The following FGF12 variants were observed in gnomAD, a reference collection of about 807,000 sequenced individuals.
The protein encoded by FGF12 is fibroblast growth factor 12B.
FGF12 carries 14 observed loss-of-function variants against 23.6 expected under a neutral mutation model. The ratio of observed to expected loss-of-function variants is 0.59; its 90% confidence interval spans 0.39 to 0.93. FGF12 has a LOEUF of 0.93. Ranked by LOEUF, FGF12 falls within the 40% of genes least tolerant of loss-of-function variation. FGF12 has a pLI of 0.00. For missense variants in FGF12, 175 were observed against 217.8 expected, an observed-to-expected ratio of 0.80 and a Z score of 1.24; for synonymous variants, 62 against 77.3, an observed-to-expected ratio of 0.80 and a Z score of 1.04.
chr3:192,351,289 G>A (rs1301622897), intron 3 of FGF12, among the ~76,000 whole-genome samples: 1 of 152,092 alleles, frequency 6.6e-6, no homozygotes, highest in East Asian at 1.9e-4. Flanking sequence ...GAGAAATGAG[G>A]GGTGGGGGAA....
chr3:192,193,651 T>C (rs901877309), intron 4 of FGF12, among the ~76,000 whole-genome samples: 17 of 152,198 alleles, frequency 1.1e-4, no homozygotes, highest in African/African-American at 3.9e-4. Context: ...TCTCACCCTA[T>C]GTCATCTTCC....
At chr3:192,376,592 C>T (rs956525970) in intron 2 of FGF12, among the ~76,000 whole-genome samples, 1 of 152,040 alleles carries the variant, frequency 6.6e-6, no homozygotes, top group African/African-American at 2.4e-5. Flanking sequence ...AAACTCCCGG[C>T]CTCAGGTGAT....
intron 2 of FGF12, among the ~76,000 whole-genome samples, chr3:192,624,684 G>T (rs1715099948): frequency 6.6e-6 from 1 of 152,090 alleles, no homozygotes; most frequent in African/African-American, 2.4e-5. Flanking sequence ...TAGCTTCGTA[G>T]CAAGGAGAAA....
At chr3:192,218,393 G>A (rs527619262) in intron 4 of FGF12, among the ~76,000 whole-genome samples, 1 of 152,248 alleles carries the variant, frequency 6.6e-6, no homozygotes, top group East Asian at 1.9e-4. Context: ...GGGTTTGTTG[G>A]GAGGTGATGG....
intron 4 of FGF12, among the ~76,000 whole-genome samples, chr3:192,225,501 AT>A (rs1300229346): frequency 6.6e-6 from 1 of 152,150 alleles, no homozygotes; most frequent in East Asian, 1.9e-4. Flanking sequence ...AAATCATCAT[AT>A]GTTGTTGATG....
Position 192,261,492 on chromosome 3 carries a change from A to C in FGF12, c.228+73869T>G, listed in dbSNP as rs180988255. Reference sequence around the variant, plus strand: ...TAACTGTTGATTACACAAGCTTTTAAGTTTGGATTAACACCTTGGACTCCA... The same window carrying C: ...TAACTGTTGATTACACAAGCTTTTACGTTTGGATTAACACCTTGGACTCCA... On this transcript the variant is annotated intron_variant, in intron 4 of 5. Transcript: ENST00000445105. Among the ~76,000 whole-genome samples, 249 of 152,256 alleles carry C rather than the reference A, an allele frequency of 1.6e-3. 2 individuals are homozygous for C. Among genetic ancestry groups the C allele is most frequent in the African/African-American group, 5.7e-3 (237 of 41,546 alleles).
chr3:192,467,460 T>C (rs1053594259), intron 2 of FGF12, among the ~76,000 whole-genome samples: 1 of 152,244 alleles, frequency 6.6e-6, no homozygotes, highest in East Asian at 1.9e-4. Flanking sequence ...AGCAGAGTTC[T>C]ACTTTAGCCA....
At chr3:192,607,898 C>A (rs1386912922) in intron 2 of FGF12, among the ~76,000 whole-genome samples, 3 of 150,202 alleles carry the variant, frequency 2.0e-5, no homozygotes, top group Non-Finnish European at 4.4e-5. Flanking sequence ...ATTCCCTGAG[C>A]ACTTACTTTG....
intron 2 of FGF12, among the ~76,000 whole-genome samples, chr3:192,609,560 T>C (rs552236260): frequency 6.6e-6 from 1 of 152,228 alleles, no homozygotes; most frequent in South Asian, 2.1e-4. Flanking sequence ...CAATTCCTAA[T>C]ATCTTGCAAG....
At chr3:192,636,178 T>C (rs547887879) in intron 2 of FGF12, among the ~76,000 whole-genome samples, 1 of 152,332 alleles carries the variant, frequency 6.6e-6, no homozygotes, top group East Asian at 1.9e-4. Flanking sequence ...TCACCTTATA[T>C]GTTATATAAC....
chr3:192,283,521 CAGTTTTTAGG>C (rs1318449377), intron 4 of FGF12, among the ~76,000 whole-genome samples: 13 of 152,162 alleles, frequency 8.5e-5, no homozygotes, highest in African/African-American at 2.6e-4. Flanking sequence ...TATAGGATTT[CAGTTTTTAGG>C]AGATTTTAGT....
intron 4 of FGF12, among the ~76,000 whole-genome samples, chr3:192,315,261 CGTT>C (rs532620282): frequency 5.9e-5 from 9 of 151,940 alleles, no homozygotes; most frequent in East Asian, 3.9e-4. Flanking sequence ...TTTGTTTCGT[CGTT>C]GTTGTTGTTG....
intron 2 of FGF12, among the ~76,000 whole-genome samples, chr3:192,489,960 C>T (rs141904709): frequency 6.6e-6 from 1 of 152,034 alleles, no homozygotes; most frequent in Non-Finnish European, 1.5e-5. Flanking sequence ...CAAACCTACA[C>T]ATGTACCCCT....
intron 4 of FGF12, among the ~76,000 whole-genome samples, chr3:192,196,967 G>C (rs1231854426): frequency 6.6e-6 from 1 of 152,148 alleles, no homozygotes; most frequent in Non-Finnish European, 1.5e-5. Flanking sequence ...AAAGAGATCG[G>C]TTATGAGATG....
At chr3:192,299,635 T>C (rs371559487) in intron 4 of FGF12, among the ~76,000 whole-genome samples, 1 of 152,166 alleles carries the variant, frequency 6.6e-6, no homozygotes, top group East Asian at 1.9e-4. Context: ...ATGGAGGATA[T>C]AGTGTTGTTC....
chr3:192,721,781 A>C (rs74805289), intron 2 of FGF12, among the ~76,000 whole-genome samples: 2,126 of 152,298 alleles, frequency 0.014, 50 homozygotes, highest in African/African-American at 0.049. Context: ...TAGTAGATAC[A>C]TAGCTTGAGT....
chr3:192,719,415 G>A (rs1013286075), intron 2 of FGF12, among the ~76,000 whole-genome samples: 2 of 152,020 alleles, frequency 1.3e-5, no homozygotes, highest in African/African-American at 2.4e-5. Context: ...TTGCATAATC[G>A]TTTGTTTTTT....
In FGF12 at chr3:192,380,816, A is replaced by G. The variant is rs139806234; in HGVS notation, c.14-20278T>C. On this transcript the variant is annotated intron_variant, in intron 2 of 5. Coordinates refer to ENST00000445105, the MANE Select transcript of FGF12 (RefSeq NM_004113.6). ...CATGCCTAGGCCAGTACTATCCAAC[A>G]GTAATATAATGCAAACCCCACGTAA... is the stretch of plus-strand genomic sequence containing the variant. 2.1e-3 allele frequency among the ~76,000 whole-genome samples: 326 copies of G among 152,230 alleles called. 1 individual carries two copies. The highest frequency in any genetic ancestry group is 7.6e-3 in the African/African-American group (317 of 41,572).
chr3:192,657,952 T>A (rs1716501904), intron 2 of FGF12, among the ~76,000 whole-genome samples: 1 of 150,358 alleles, frequency 6.7e-6, no homozygotes, highest in Admixed American at 6.6e-5. Context: ...ACTATATTTC[T>A]GCAATGAGTA....
Sources: gnomAD v4.1 joint callset for allele counts (sites outside exome capture counted in the v4.1 genomes callset) on GRCh38, gnomAD v4.1.1 for gene constraint, MANE v1.5 for transcripts, NCBI Gene and HGNC (gene_info 2026-07-23, HGNC 2026-07-21) for gene names.